UGT1A6: variants seen among roughly 807,000 people sequenced by gnomAD.
UGT1A6 encodes UDP glucuronosyltransferase family 1 member A6, also known as UDP-glucuronosyltransferase 1A6.
A neutral mutation model predicts 44.4 loss-of-function variants in UGT1A6; 32 were observed. The observed-to-expected ratio is 0.72, with a 90% confidence interval of 0.54 to 0.97. The LOEUF is 0.97. Ranked by LOEUF, UGT1A6 falls within the 50% of genes least tolerant of loss-of-function variation. The probability of loss-of-function intolerance (pLI) is 0.00; values close to 1 mark genes in which losing one functional copy is unlikely to be tolerated. For synonymous variants in UGT1A6, 238 were observed against 248.5 expected, an observed-to-expected ratio of 0.96 and a Z score of 0.40; for missense variants, 685 against 661.9, an observed-to-expected ratio of 1.03 and a Z score of -0.38.
chr2:233,726,601 T>G (rs1416735332), intron 1 of UGT1A6, among the ~76,000 whole-genome samples: 18 of 152,204 alleles, frequency 1.2e-4, no homozygotes, highest in African/African-American at 4.3e-4. Context: ...CCCTTGTGAT[T>G]ACACTGTCCT....
chr2:233,724,151 G>A (rs2077177263), intron 1 of UGT1A6, among the ~76,000 whole-genome samples: 1 of 124,618 alleles, frequency 8.0e-6, no homozygotes, highest in African/African-American at 3.6e-5. Flanking sequence ...CGGCTGGCCG[G>A]GTGGGGGGGC....
chr2:233,745,835 T>A (rs2125873644), intron 1 of UGT1A6, among the ~76,000 whole-genome samples: 1 of 151,430 alleles, frequency 6.6e-6, no homozygotes, highest in African/African-American at 2.4e-5. Context: ...GGACTCTGAA[T>A]TTTCTTCTGT....
chr2:233,724,290 G>C (rs2077209364), intron 1 of UGT1A6, among the ~76,000 whole-genome samples: 1 of 136,792 alleles, frequency 7.3e-6, no homozygotes, highest in African/African-American at 2.8e-5. Flanking sequence ...GCGGGGGGCT[G>C]ACCCCCCCAC....
At position 233,772,787 on chromosome 2, in the gene UGT1A6, A is replaced by T; in HGVS notation, c.*228A>T. The T allele has an allele frequency of 4.0e-6, 5 of 1,249,376 alleles. No individual in the cohort carries two copies. Among genetic ancestry groups the T allele is most frequent in the Non-Finnish European group, 4.2e-6 (4 of 942,894 alleles). The allele number at this position is 1,249,376 out of a possible 1,614,324, so 77.4% of individuals were successfully genotyped here. A position where few individuals can be genotyped will look rare whatever the true frequency, so the allele number is the denominator to read the frequency against. The stretch of plus-strand genomic sequence containing the variant: ...GCCCCCTCTGGTGTCTTTGATCAGG[A>T]TGACATGTGCCATTTTTCAGAGGAC... On this transcript the variant is annotated 3_prime_UTR_variant, in exon 5 of 5. Coordinates refer to ENST00000305139, the MANE Select transcript of UGT1A6 (RefSeq NM_001072.4).
chr2:233,724,348 C>G, intron 1 of UGT1A6, among the ~76,000 whole-genome samples: 1 of 144,652 alleles, frequency 6.9e-6, no homozygotes, highest in East Asian at 2.1e-4. Context: ...TGACCCCCCC[C>G]ACCTCCCTCC....
At chr2:233,696,327 T>A (rs1423813795) in intron 1 of UGT1A6, among the ~76,000 whole-genome samples, 1 of 152,236 alleles carries the variant, frequency 6.6e-6, no homozygotes, top group Non-Finnish European at 1.5e-5. Context: ...CATCCTCATT[T>A]CCTTATACAG....
chr2:233,732,384 C>T (rs1031988593), intron 1 of UGT1A6, among the ~76,000 whole-genome samples: 4 of 152,258 alleles, frequency 2.6e-5, no homozygotes, highest in Middle Eastern at 3.4e-3. Flanking sequence ...GTCTTCTAGG[C>T]CATGCCTATG....
At chr2:233,699,399 G>T (rs1351749107) in intron 1 of UGT1A6, among the ~76,000 whole-genome samples, 2 of 152,200 alleles carry the variant, frequency 1.3e-5, no homozygotes, top group Non-Finnish European at 2.9e-5. Context: ...TTTTAGAAGA[G>T]AATTTAGCTT....
chr2:233,698,259 T>C (rs1450218227), intron 1 of UGT1A6, among the ~76,000 whole-genome samples: 3 of 152,182 alleles, frequency 2.0e-5, no homozygotes, highest in Non-Finnish European at 4.4e-5. Context: ...TTTTGTCCAA[T>C]AATCAAACCA....
At chr2:233,706,737 A>G (rs2075921386) in intron 1 of UGT1A6, among the ~76,000 whole-genome samples, 1 of 152,172 alleles carries the variant, frequency 6.6e-6, no homozygotes, top group Non-Finnish European at 1.5e-5. Context: ...GTTGACAGTG[A>G]CTGTGAAGCA....
In UGT1A6 at chr2:233,769,538, C is replaced by A; in HGVS notation, c.1301+1099C>A. 6.2e-7 allele frequency: 1 copy of A among 1,612,838 alleles called. No homozygotes were observed. Among genetic ancestry groups the A allele is most frequent in the Non-Finnish European group, 8.5e-7 (1 of 1,179,878 alleles). ...CATGGTTACCTCCTTTAGAAAGAAGCAGCAGTCAGGAAGACAGATGTGAAG... is the reference window on the plus strand; with the variant it reads ...CATGGTTACCTCCTTTAGAAAGAAGAAGCAGTCAGGAAGACAGATGTGAAG... On this transcript the variant is annotated intron_variant, in intron 4 of 4. Coordinates refer to ENST00000305139, the MANE Select transcript of UGT1A6 (RefSeq NM_001072.4). The surrounding 1 kb of genome is among the most constrained non-coding windows in gnomAD (Gnocchi z 4.4).
intron 1 of UGT1A6, among the ~76,000 whole-genome samples, chr2:233,766,243 G>T (rs1253047551): frequency 1.3e-5 from 2 of 152,008 alleles, no homozygotes; most frequent in Non-Finnish European, 2.9e-5. Flanking sequence ...GTTTCCCCTG[G>T]AGTCAGACCG....
intron 1 of UGT1A6, among the ~76,000 whole-genome samples, chr2:233,721,151 A>C (rs2076923692): frequency 6.6e-6 from 1 of 152,178 alleles, no homozygotes. Context: ...TGCAAAGGAC[A>C]CTAAACTTTA....
intron 1 of UGT1A6, among the ~76,000 whole-genome samples, chr2:233,739,415 C>A (rs1192478838): frequency 6.6e-6 from 1 of 152,198 alleles, no homozygotes; most frequent in African/African-American, 2.4e-5. Context: ...CCTCTGAAAG[C>A]AGCCAGGACG....
chr2:233,749,542 G>C (rs531548646), intron 1 of UGT1A6, among the ~76,000 whole-genome samples: 1 of 151,958 alleles, frequency 6.6e-6, no homozygotes, highest in Non-Finnish European at 1.5e-5. Flanking sequence ...GTGTGGTAAA[G>C]AACAGGCTAA....
At chr2:233,736,362 A>G (rs1213397450) in intron 1 of UGT1A6, among the ~76,000 whole-genome samples, 1 of 152,180 alleles carries the variant, frequency 6.6e-6, no homozygotes, top group African/African-American at 2.4e-5. Flanking sequence ...CAGCTCCATC[A>G]GGTCATTTAA....
chr2:233,698,631 C>T (rs913612995), intron 1 of UGT1A6, among the ~76,000 whole-genome samples: 7 of 152,176 alleles, frequency 4.6e-5, no homozygotes, highest in African/African-American at 1.4e-4. Flanking sequence ...TTTTGCCTAA[C>T]AGGTTAGTAA....
At chr2:233,697,483 G>T (rs372892413) in intron 1 of UGT1A6, among the ~76,000 whole-genome samples, 3 of 148,958 alleles carry the variant, frequency 2.0e-5, no homozygotes, top group African/African-American at 7.4e-5. Flanking sequence ...CTAGCTCAAG[G>T]TTTGCCAATT....
At chr2:233,755,412 C>T in intron 1 of UGT1A6, 1 of 330,878 alleles carries the variant, frequency 3.0e-6, no homozygotes, top group Non-Finnish European at 5.9e-6. Context: ...TGGCCGAGGC[C>T]TGTGAGCGCC....
Sources: allele counts gnomAD v4.1 joint callset (sites outside exome capture counted in the v4.1 genomes callset), GRCh38; gene constraint gnomAD v4.1.1; non-coding constraint Gnocchi (gnomAD v3.1); transcripts MANE v1.5; gene names NCBI Gene and HGNC (gene_info 2026-07-23, HGNC 2026-07-21).